The following ANK3 variants were observed in gnomAD, a reference collection of about 807,000 sequenced individuals.
ANK3 encodes ankyrin 3.
ANK3 carries 57 observed loss-of-function variants against 370.9 expected under a neutral mutation model. The ratio of observed to expected loss-of-function variants is 0.15; its 90% confidence interval spans 0.12 to 0.19. The LOEUF is 0.19. Ranked by LOEUF, ANK3 falls within the 10% of genes least tolerant of loss-of-function variation. The pLI is 1.00. For synonymous variants in ANK3, 1,929 were observed against 1,946.3 expected, an observed-to-expected ratio of 0.99 and a Z score of 0.23; for missense variants, 4,439 against 5,302.1, an observed-to-expected ratio of 0.84 and a Z score of 5.06.
intron 2 of ANK3, among the ~76,000 whole-genome samples, chr10:60,436,020 G>A (rs2064147503): frequency 6.6e-6 from 1 of 151,876 alleles, no homozygotes; most frequent in Non-Finnish European, 1.5e-5. Context: ...CCCGGAAGGC[G>A]GAGCTTGCAG....
intron 1 of ANK3, among the ~76,000 whole-genome samples, chr10:60,728,716 G>A (rs929945824): frequency 4.6e-5 from 7 of 152,130 alleles, no homozygotes; most frequent in African/African-American, 1.2e-4. Flanking sequence ...GTTGGAGAAC[G>A]GGGACTTCAT....
At chr10:60,165,902 C>A (rs1413379813) in intron 23 of ANK3, among the ~76,000 whole-genome samples, 3 of 152,138 alleles carry the variant, frequency 2.0e-5, no homozygotes, top group African/African-American at 7.2e-5. Context: ...GTCATCAGTA[C>A]AATATTTACT....
intron 1 of ANK3, among the ~76,000 whole-genome samples, chr10:60,307,232 C>T (rs922121365): frequency 6.6e-6 from 1 of 152,326 alleles, no homozygotes. Flanking sequence ...GTTTGGCCAA[C>T]AAAACCTAAA....
At chr10:60,622,657 A>C (rs979879442) in intron 1 of ANK3, among the ~76,000 whole-genome samples, 2 of 152,200 alleles carry the variant, frequency 1.3e-5, no homozygotes, top group Non-Finnish European at 2.9e-5. Context: ...ATGCTCATTA[A>C]ATACATGCTG....
intron 26 of ANK3, among the ~76,000 whole-genome samples, chr10:60,113,289 G>A (rs1234112984): frequency 6.6e-6 from 1 of 151,790 alleles, no homozygotes; most frequent in Non-Finnish European, 1.5e-5. Flanking sequence ...AAATGCAGAG[G>A]CACCAACTCG....
chr10:60,529,051 T>C (rs2076543854), intron 2 of ANK3, among the ~76,000 whole-genome samples: 1 of 152,100 alleles, frequency 6.6e-6, no homozygotes, highest in Non-Finnish European at 1.5e-5. Flanking sequence ...ACCATGAACA[T>C]TGTGATCTAC....
At chr10:60,288,126 C>T (rs1044153933) in intron 1 of ANK3, among the ~76,000 whole-genome samples, 4 of 152,118 alleles carry the variant, frequency 2.6e-5, no homozygotes, top group African/African-American at 9.7e-5. Flanking sequence ...TGTGACTTCA[C>T]CCAGGACATT....
chr10:60,501,377 AATGT>A (rs2075790959), intron 2 of ANK3, among the ~76,000 whole-genome samples: 1 of 152,200 alleles, frequency 6.6e-6, no homozygotes, highest in South Asian at 2.1e-4. Context: ...TGACAAAGTG[AATGT>A]ATTTCTTCAA....
At chr10:60,224,704 AAGAAAAGGAATTCAAGCAGAG>A (rs2097110710) in intron 8 of ANK3, among the ~76,000 whole-genome samples, 1 of 152,114 alleles carries the variant, frequency 6.6e-6, no homozygotes, top group South Asian at 2.1e-4. Flanking sequence ...ACTCTAGAGA[AAGAAAAGGAATTCAAGCAGAG>A]AGAACTCTGC....
chr10:60,722,463 T>C (rs983366813), intron 1 of ANK3, among the ~76,000 whole-genome samples: 1 of 151,414 alleles, frequency 6.6e-6, no homozygotes, highest in Non-Finnish European at 1.5e-5. Flanking sequence ...AAATTAAAAA[T>C]TAAAAAAAAA....
intron 1 of ANK3, among the ~76,000 whole-genome samples, chr10:60,324,327 C>T (rs1165837722): frequency 6.6e-6 from 1 of 152,232 alleles, no homozygotes; most frequent in African/African-American, 2.4e-5. Context: ...CCATCATTAG[C>T]TGAGTGCTCA....
intron 43 of ANK3, among the ~76,000 whole-genome samples, chr10:60,034,449 G>A (rs185321544): frequency 2.0e-5 from 3 of 152,322 alleles, no homozygotes; most frequent in South Asian, 2.1e-4. Context: ...TGCTGATACT[G>A]TGGTCCACAG....
intron 2 of ANK3, among the ~76,000 whole-genome samples, chr10:60,419,876 T>A (rs1340108437): frequency 6.6e-6 from 1 of 152,124 alleles, no homozygotes; most frequent in Non-Finnish European, 1.5e-5. Flanking sequence ...CCAACCTCTC[T>A]GGGCCTTGCT....
At position 60,074,722 on chromosome 10, in the gene ANK3, A is replaced by C; in HGVS notation, c.6159T>G (p.Phe2053Leu). ...SSSLTNLKYK[F>L]EDAKKDGEER... ...CCTCACCATCCTTCTTTGCATCCTC[A>C]AACTTGTATTTTAAGTTTGTCAGTG... Residue 2053 changes from phenylalanine (F) to leucine (L), a missense_variant, in exon 37 of 44, where the codon TTT becomes TTG. Physicochemically the swap from Phe to Leu is conservative, Grantham distance 22. Coordinates refer to ENST00000280772, the MANE Select transcript of ANK3 (RefSeq NM_020987.5). 1 of 1,613,700 alleles carries C rather than the reference A, an allele frequency of 6.2e-7. No individual in the cohort carries two copies. Among genetic ancestry groups the C allele is most frequent in the Non-Finnish European group, 8.5e-7 (1 of 1,179,954 alleles).
At chr10:60,663,492 C>CG (rs143862163) in intron 1 of ANK3, among the ~76,000 whole-genome samples, 1,388 of 135,396 alleles carry the variant, frequency 0.01, 15 homozygotes, top group African/African-American at 0.036. Flanking sequence ...CTTAAGAGCA[C>CG]GAAGGGAAAG....
chr10:60,204,047 A>G (rs1165877814), intron 11 of ANK3, among the ~76,000 whole-genome samples: 2 of 152,206 alleles, frequency 1.3e-5, no homozygotes, highest in Non-Finnish European at 2.9e-5. Context: ...GAAGGGGATA[A>G]TTAATCTCAG....
intron 1 of ANK3, among the ~76,000 whole-genome samples, chr10:60,371,532 T>G (rs778127533): frequency 6.6e-6 from 1 of 152,224 alleles, no homozygotes; most frequent in Non-Finnish European, 1.5e-5. Context: ...ACCAAAATGT[T>G]GAAATATTGT....
rs1034280501 is a variant in ANK3, at chr10:60,072,998, C to T, written c.7883G>A (p.Ser2628Asn). Residue 2628 changes from serine (S) to asparagine (N), a missense_variant, in exon 37 of 44, where the codon AGT becomes AAT. Ser to Asn is a conservative substitution (Grantham distance 46). This residue lies in a region of ANK3 where 1,601 missense variants were observed against 1,731.7 expected (regional missense o/e 0.92). Transcript: ENST00000280772. ...CAGTAGCACTTTCTCAGGGCTGCTA[C>T]TGGTAGGGCTTTGAGAAGAATATTC... ...GKEYSSQSPTSSSPEKVLLTE... is the reference protein window; with the variant it reads ...GKEYSSQSPTNSSPEKVLLTE... The T allele has an allele frequency of 6.2e-7, 1 of 1,614,126 alleles. No individual in the cohort carries two copies. The highest frequency in any genetic ancestry group is 2.2e-5 in the East Asian group (1 of 44,870).
intron 1 of ANK3, among the ~76,000 whole-genome samples, chr10:60,666,167 A>G (rs2078993315): frequency 6.6e-6 from 1 of 152,252 alleles, no homozygotes; most frequent in Non-Finnish European, 1.5e-5. Context: ...CCAAGTGTCC[A>G]TCAATAGATG....
Sources: gnomAD v4.1 joint callset for allele counts (sites outside exome capture counted in the v4.1 genomes callset) on GRCh38, gnomAD v4.1.1 for gene constraint, gnomAD v4.1.1 regional missense constraint, MANE v1.5 for transcripts, NCBI Gene and HGNC (gene_info 2026-07-23, HGNC 2026-07-21) for gene names.